Variants in DOCK9 observed in about 807,000 individuals in gnomAD.
The protein encoded by DOCK9 is dedicator of cytokinesis protein 9.
Under a neutral mutation model 263.3 loss-of-function variants are expected in DOCK9, and 89 were observed. The observed-to-expected ratio is 0.34, with a 90% CI of 0.28 to 0.40. The LOEUF (loss-of-function observed/expected upper bound fraction) is 0.40, where lower values mean the gene tolerates loss of function less well. Ranked by LOEUF, DOCK9 falls within the 10% of genes least tolerant of loss-of-function variation. The pLI is 1.00. For missense variants in DOCK9, 2,140 were observed against 2,603.4 expected, an observed-to-expected ratio of 0.82 and a Z score of 3.87; for synonymous variants, 976 against 973.1, an observed-to-expected ratio of 1.00 and a Z score of -0.06.
At position 98,903,000 on chromosome 13, in the gene DOCK9, G is replaced by T. The variant is rs756844781; in HGVS notation, c.1148C>A (p.Ala383Asp). Residue 383 changes from alanine to aspartate, a missense_variant, in exon 11 of 53, where the codon GCC becomes GAC. Coordinates refer to ENST00000682017, the MANE Select transcript of DOCK9 (RefSeq NM_001366683.2). ...DLSFNLQCCVAENEEGPTTNV... is the reference protein window; with the variant it reads ...DLSFNLQCCVDENEEGPTTNV... ...TGTAGTGGGTCCTTCTTCATTTTCGGCAACACAGCATTGCAAATTGAAAGA... is the reference window on the plus strand; with the variant it reads ...TGTAGTGGGTCCTTCTTCATTTTCGTCAACACAGCATTGCAAATTGAAAGA... The T allele has an allele frequency of 5.3e-6, 8 of 1,513,394 alleles. No individual in the cohort carries two copies. The South Asian group carries it at 9.1e-5, about 17-fold the overall frequency. 93.7% of individuals were successfully genotyped at this position (1,513,394 alleles called of 1,614,324 possible). A position where few individuals can be genotyped will look rare whatever the true frequency, so the allele number is the denominator to read the frequency against.
intron 1 of DOCK9, among the ~76,000 whole-genome samples, chr13:99,002,443 C>T (rs1387408588): frequency 1.3e-5 from 2 of 152,146 alleles, no homozygotes; most frequent in Non-Finnish European, 2.9e-5. Flanking sequence ...GGGGCAACGT[C>T]CTCCCCACCC....
intron 1 of DOCK9, among the ~76,000 whole-genome samples, chr13:98,988,528 C>G (rs2141677238): frequency 6.6e-6 from 1 of 152,258 alleles, no homozygotes; most frequent in South Asian, 2.1e-4. Flanking sequence ...CGTGGCAGAA[C>G]TACTTTAAAC....
chr13:99,036,331 G>C (rs913565932), intron 1 of DOCK9, among the ~76,000 whole-genome samples: 1 of 152,050 alleles, frequency 6.6e-6, no homozygotes, highest in African/African-American at 2.4e-5. Context: ...CTCATGAATG[G>C]GTAGGTTTAG....
Position 98,817,451 on chromosome 13 carries a change from C to CTTT in DOCK9, c.5130+6944_5130+6946dup, listed in dbSNP as rs10683281. ...TGTGAGAACAGACTAATACACCCAGCTTTTTTTTTTTTTTTTTTTTTGGTA... is the reference window on the plus strand; with the variant it reads ...TGTGAGAACAGACTAATACACCCAGCTTTTTTTTTTTTTTTTTTTTTTTTGGTA... On this transcript the variant is annotated intron_variant, in intron 45 of 52. Transcript: ENST00000682017. 3.1e-4 allele frequency among the ~76,000 whole-genome samples: 30 copies of CTTT among 97,614 alleles called. 5 individuals are homozygous for CTTT. The highest frequency in any genetic ancestry group is 1.5e-3 in the South Asian group (4 of 2,670). 64.0% of individuals were successfully genotyped at this position (97,614 alleles called of 152,430 possible). A position where few individuals can be genotyped will look rare whatever the true frequency, so the allele number is the denominator to read the frequency against.
chr13:98,935,725 G>A (rs1301649207), intron 2 of DOCK9, among the ~76,000 whole-genome samples: 2 of 152,098 alleles, frequency 1.3e-5, no homozygotes, highest in African/African-American at 2.4e-5. Flanking sequence ...CCAAGACCAC[G>A]CCACTGCACT....
intron 32 of DOCK9, 71 bp downstream of exon 32, chr13:98,862,948 G>C: frequency 7.4e-7 from 1 of 1,357,082 alleles, no homozygotes; most frequent in South Asian, 1.3e-5. Flanking sequence ...AAGCCACCCA[G>C]CTTATGGCGC....
At chr13:98,862,103 A>G (rs542186164) in intron 32 of DOCK9, among the ~76,000 whole-genome samples, 5 of 152,330 alleles carry the variant, frequency 3.3e-5, no homozygotes, top group Non-Finnish European at 7.3e-5. Context: ...GCCTCACAAG[A>G]CATTGGTTCA....
intron 2 of DOCK9, among the ~76,000 whole-genome samples, chr13:98,941,069 G>A (rs1381902337): frequency 2.6e-5 from 4 of 152,122 alleles, no homozygotes; most frequent in Non-Finnish European, 4.4e-5. Context: ...GACTATTTCT[G>A]ATTCCCTAAT....
At chr13:99,074,573 T>G (rs57895469) in intron 1 of DOCK9, among the ~76,000 whole-genome samples, 4,195 of 152,310 alleles carry the variant, frequency 0.028, 177 homozygotes, top group African/African-American at 0.096. Flanking sequence ...GTCATTTGGT[T>G]CCTGACTAGC....
intron 9 of DOCK9, among the ~76,000 whole-genome samples, chr13:98,905,496 C>T (rs570939873): frequency 4.6e-5 from 7 of 152,136 alleles, no homozygotes; most frequent in East Asian, 1.9e-4. Flanking sequence ...AGGAGAAAAG[C>T]GCATTCTAGG....
chr13:99,070,710 T>C (rs781583244), intron 1 of DOCK9, among the ~76,000 whole-genome samples: 2 of 152,244 alleles, frequency 1.3e-5, no homozygotes, highest in Non-Finnish European at 2.9e-5. Context: ...AACTAGTAGA[T>C]GAAGAGCTGG....
At chr13:99,059,731 A>G (rs1308888664) in intron 1 of DOCK9, among the ~76,000 whole-genome samples, 1 of 152,188 alleles carries the variant, frequency 6.6e-6, no homozygotes, top group Admixed American at 6.5e-5. Context: ...ATTTTACTAT[A>G]TATCCACAAA....
intron 1 of DOCK9, among the ~76,000 whole-genome samples, chr13:99,033,735 A>G (rs942238619): frequency 1.3e-5 from 2 of 152,228 alleles, no homozygotes; most frequent in African/African-American, 4.8e-5. Context: ...ACAGAGAACT[A>G]AAGTGTCTGA....
chr13:98,989,343 G>GATAATAATA (rs1367507507), intron 1 of DOCK9, among the ~76,000 whole-genome samples: 19 of 121,296 alleles, frequency 1.6e-4, no homozygotes, highest in African/African-American at 5.0e-4. Flanking sequence ...TGATGATGAT[G>GATAATAATA]ATGATAATAA....
Position 98,831,461 on chromosome 13 carries a change from A to G in DOCK9, c.4522T>C (p.Cys1508Arg). The G allele has an allele frequency of 6.3e-7, 1 of 1,596,192 alleles. No individual in the cohort carries two copies. The highest frequency in any genetic ancestry group is 8.5e-7 in the Non-Finnish European group (1 of 1,170,834). ...AALCYEILKC[C>R]NSKLSSIRTE... ...CTGATGGAGCTCAGCTTGGAGTTAC[A>G]GCACTTGAGAATCTCGTAACACAGA... is the stretch of plus-strand genomic sequence containing the variant. The change falls in exon 41 of 53, where the codon TGT becomes CGT. Residue 1508 changes from cysteine to arginine, a missense_variant. Physicochemically the swap from Cys to Arg is radical, Grantham distance 180. This residue lies in a region of DOCK9 where 619 missense variants were observed against 861.8 expected (regional missense o/e 0.72). Coordinates refer to ENST00000682017, the MANE Select transcript of DOCK9 (RefSeq NM_001366683.2).
Position 98,920,960 on chromosome 13 carries a change from G to T in DOCK9, c.711C>A (p.Val237=). 6.2e-7 allele frequency: 1 copy of T among 1,602,558 alleles called. No homozygotes were observed. Among genetic ancestry groups the T allele is most frequent in the South Asian group, 1.1e-5 (1 of 88,818 alleles). The change falls in exon 7 of 53, where the codon GTC becomes GTA. Residue 237 remains valine, a synonymous_variant. Transcript: ENST00000682017. Reference sequence around the variant, plus strand: ...AAACTCTTTTCATATTTACCTGAACGACACCCATACAGGAATCCAGAAATA... The same window carrying T: ...AAACTCTTTTCATATTTACCTGAACTACACCCATACAGGAATCCAGAAATA... ...GSIFLDSCMG[V]VQNNKVRRFA...
chr13:98,918,557 G>A (rs1178768989), intron 7 of DOCK9, among the ~76,000 whole-genome samples: 1 of 152,068 alleles, frequency 6.6e-6, no homozygotes, highest in Non-Finnish European at 1.5e-5. Flanking sequence ...ACAAAGAACA[G>A]GGATTTCGAA....
At chr13:98,924,321 C>G (rs1006168517) in intron 4 of DOCK9, among the ~76,000 whole-genome samples, 6 of 152,192 alleles carry the variant, frequency 3.9e-5, no homozygotes, top group African/African-American at 1.4e-4. Flanking sequence ...AAACAAACAG[C>G]TAGGTCTACT....
At chr13:98,921,420 T>C (rs1244465682) in intron 6 of DOCK9, among the ~76,000 whole-genome samples, 1 of 152,172 alleles carries the variant, frequency 6.6e-6, no homozygotes, top group African/African-American at 2.4e-5. Context: ...ATCCCCAGGG[T>C]TTCTTGCTCA....
Sources: allele counts gnomAD v4.1 joint callset (sites outside exome capture counted in the v4.1 genomes callset), GRCh38; gene constraint gnomAD v4.1.1; regional missense constraint gnomAD v4.1.1; transcripts MANE v1.5; gene names NCBI Gene and HGNC (gene_info 2026-07-23, HGNC 2026-07-21).